The following CACNB2 variants were observed in gnomAD, a reference collection of about 807,000 sequenced individuals.
CACNB2 encodes calcium voltage-gated channel auxiliary subunit beta 2, also known as voltage-dependent L-type calcium channel subunit beta-2.
A neutral mutation model predicts 73.3 loss-of-function variants in CACNB2; 42 were observed. The ratio of observed to expected loss-of-function variants is 0.57; its 90% CI spans 0.45 to 0.74. CACNB2 has a LOEUF of 0.74. CACNB2 is among the 30% of genes least tolerant of loss of function. The pLI is 0.00. For synonymous variants in CACNB2, 348 were observed against 310.3 expected (o/e 1.12, Z -1.28); for missense variants, 940 against 853.0 (o/e 1.10, Z -1.27).
chr10:18,336,665 A>G (rs2041021062), intron 2 of CACNB2, among the ~76,000 whole-genome samples: 1 of 152,138 alleles, frequency 6.6e-6, no homozygotes, highest in Non-Finnish European at 1.5e-5. Context: ...AATCTTTCCT[A>G]CAAGACAGCA....
At chr10:18,393,615 A>T (rs2043584005) in intron 2 of CACNB2, among the ~76,000 whole-genome samples, 1 of 152,228 alleles carries the variant, frequency 6.6e-6, no homozygotes, top group African/African-American at 2.4e-5. Flanking sequence ...TTTTGCACTG[A>T]AAGAAGACAC....
chr10:18,214,711 T>C (rs1241174470), intron 2 of CACNB2, among the ~76,000 whole-genome samples: 1 of 151,978 alleles, frequency 6.6e-6, no homozygotes, highest in African/African-American at 2.4e-5. Context: ...ACCATTGCCC[T>C]GTTGGAACAG....
At chr10:18,398,859 C>A (rs538523827) in intron 2 of CACNB2, among the ~76,000 whole-genome samples, 1 of 152,224 alleles carries the variant, frequency 6.6e-6, no homozygotes, top group Admixed American at 6.5e-5. Flanking sequence ...TGCCAAAAGT[C>A]ATTGAAGAGA....
chr10:18,272,654 A>AC (rs397698431), intron 2 of CACNB2, among the ~76,000 whole-genome samples: 1 of 38,646 alleles, frequency 2.6e-5, no homozygotes, highest in Non-Finnish European at 6.9e-5. Flanking sequence ...AACAAGTCTT[A>AC]CAATATCTGA....
rs762053423 is a variant in CACNB2 at position 18,539,354 on chromosome 10, A to G, written c.1613A>G (p.His538Arg). Residue 538 changes from histidine (H) to arginine (R), a missense_variant, in exon 14 of 14, where the codon CAC becomes CGC. Transcript: ENST00000324631. ...CACCGCTCTTCCTCCTCAGCCCCAC[A>G]CCACAACCATCGCAGTGGGACAAGT... The part of the protein sequence containing the change: ...SQHRSSSSAP[H>R]HNHRSGTSRG... 16 of 1,614,058 alleles carry G rather than the reference A, an allele frequency of 9.9e-6. No individual in the cohort carries two copies. The South Asian group carries it at 1.6e-4, about 17-fold the overall frequency.
rs1165151953 is a variant in CACNB2, at chr10:18,216,089, A to G, written c.213+65114A>G. ...GGCGGGTGGATCACCTAAGGTCAGG[A>G]GTTTGAGACCAGCCTGACCAACATG... On this transcript the variant is annotated intron_variant, in intron 2 of 13. Coordinates refer to ENST00000324631, the MANE Select transcript of CACNB2 (RefSeq NM_201596.3). Among the ~76,000 whole-genome samples, 4 of 151,720 alleles carry G rather than the reference A, an allele frequency of 2.6e-5. No homozygotes were observed. The Admixed American group carries it at 2.6e-4, about 10-fold the overall frequency.
chr10:18,247,972 T>C (rs2036933237), intron 2 of CACNB2, among the ~76,000 whole-genome samples: 1 of 152,196 alleles, frequency 6.6e-6, no homozygotes, highest in Non-Finnish European at 1.5e-5. Context: ...GCAGTGGATC[T>C]CTCTGGGACC....
intron 3 of CACNB2, among the ~76,000 whole-genome samples, chr10:18,403,097 T>C (rs1317534492): frequency 2.6e-5 from 4 of 152,176 alleles, no homozygotes; most frequent in Non-Finnish European, 5.9e-5. Flanking sequence ...AAAGCAGTAC[T>C]TTTGTATATC....
At chr10:18,276,858 C>T (rs916129878) in intron 2 of CACNB2, among the ~76,000 whole-genome samples, 4 of 152,304 alleles carry the variant, frequency 2.6e-5, no homozygotes, top group Middle Eastern at 3.4e-3. Flanking sequence ...GGATTAAAGG[C>T]GTGAGCCACC....
intron 3 of CACNB2, among the ~76,000 whole-genome samples, chr10:18,441,407 AAAAT>A (rs1019216558): frequency 1.3e-5 from 2 of 152,292 alleles, no homozygotes; most frequent in South Asian, 2.1e-4. Flanking sequence ...CCATCTCAAA[AAAAT>A]AAATAACCAT....
chr10:18,235,243 G>T (rs1240818862), intron 2 of CACNB2, among the ~76,000 whole-genome samples: 2 of 151,940 alleles, frequency 1.3e-5, no homozygotes, highest in Non-Finnish European at 2.9e-5. Context: ...GCTGGAGACT[G>T]GGCATTCAGA....
At chr10:18,277,049 C>T (rs920149676) in intron 2 of CACNB2, among the ~76,000 whole-genome samples, 2 of 152,086 alleles carry the variant, frequency 1.3e-5, no homozygotes, top group Admixed American at 6.6e-5. Flanking sequence ...CCTGGGAGGT[C>T]GAGGCTGCAG....
At chr10:18,480,290 A>T (rs2048657409) in intron 3 of CACNB2, among the ~76,000 whole-genome samples, 1 of 151,114 alleles carries the variant, frequency 6.6e-6, no homozygotes, top group African/African-American at 2.4e-5. Flanking sequence ...TTAATATTGG[A>T]GATGTGGGAT....
intron 2 of CACNB2, among the ~76,000 whole-genome samples, chr10:18,182,648 C>G (rs1325150052): frequency 2.0e-5 from 3 of 151,636 alleles, no homozygotes; most frequent in African/African-American, 7.3e-5. Flanking sequence ...GTGGTAAAAC[C>G]CCGTCTCTAC....
chr10:18,506,574 T>C, intron 6 of CACNB2, 27 bp downstream of exon 6: 3 of 1,323,362 alleles, frequency 2.3e-6, no homozygotes, highest in East Asian at 2.3e-5. Flanking sequence ...TGCTGAATAA[T>C]ACATACTGCA....
At chr10:18,409,914 C>G (rs111897706) in intron 3 of CACNB2, among the ~76,000 whole-genome samples, 2,813 of 152,228 alleles carry the variant, frequency 0.018, 96 homozygotes, top group African/African-American at 0.063. Flanking sequence ...CGCCTTTACT[C>G]TCAGCTATCC....
intron 6 of CACNB2, among the ~76,000 whole-genome samples, chr10:18,507,054 C>T (rs112915307): frequency 0.024 from 3,685 of 152,294 alleles, 151 homozygotes; most frequent in African/African-American, 0.082. Context: ...CTGCCTTAGG[C>T]TCCCAAAGTG....
intron 2 of CACNB2, among the ~76,000 whole-genome samples, chr10:18,306,405 A>G (rs917034126): frequency 2.6e-5 from 4 of 152,184 alleles, no homozygotes; most frequent in African/African-American, 9.7e-5. Flanking sequence ...GAACACATAG[A>G]TAAATATGTA....
chr10:18,397,731 A>G (rs866082461), intron 2 of CACNB2, among the ~76,000 whole-genome samples: 24 of 151,832 alleles, frequency 1.6e-4, no homozygotes, highest in South Asian at 4.1e-4. Flanking sequence ...AAAAAAAAAA[A>G]AAAAAAAAAA....
Sources: allele counts gnomAD v4.1 joint callset (sites outside exome capture counted in the v4.1 genomes callset), GRCh38; gene constraint gnomAD v4.1.1; transcripts MANE v1.5; gene names NCBI Gene and HGNC (gene_info 2026-07-23, HGNC 2026-07-21).